Variants in SOX6 observed in about 807,000 individuals in gnomAD.
SOX6 encodes the protein SRY-box transcription factor 6, also known as transcription factor SOX-6.
In SOX6, 11 loss-of-function variants were observed where a neutral mutation model predicts 97.8. The ratio of observed to expected loss-of-function variants is 0.11; its 90% CI spans 0.07 to 0.19. The LOEUF (loss-of-function observed/expected upper bound fraction) is 0.19. Among genes scored for constraint, SOX6 ranks in the 10% least tolerant of loss-of-function variants. The probability of loss-of-function intolerance (pLI) is 1.00; values close to 1 mark genes in which losing one functional copy is unlikely to be tolerated. For missense variants in SOX6, 810 were observed against 1,039.5 expected, an observed-to-expected ratio of 0.78 and a Z score of 3.04; for synonymous variants, 360 against 371.4, an observed-to-expected ratio of 0.97 and a Z score of 0.35.
At chr11:16,132,323 GA>G (rs1849777267) in intron 6 of SOX6, among the ~76,000 whole-genome samples, 6 of 82,910 alleles carry the variant, frequency 7.2e-5, no homozygotes, top group East Asian at 3.2e-4. Flanking sequence ...AGGAAGGAAG[GA>G]AGGAAGGAAA....
In SOX6 at chr11:16,139,990, C is replaced by G. The variant is rs369119301; in HGVS notation, c.778-28067G>C. ...ATATATATACATATAATATGACATA[C>G]GGGAGATAGGAAAAATAAGTATATG... On this transcript the variant is annotated intron_variant, in intron 6 of 15. Transcript: ENST00000683767. 1.5e-3 allele frequency among the ~76,000 whole-genome samples: 218 copies of G among 146,636 alleles called. 1 individual carries two copies. The highest frequency in any genetic ancestry group is 5.1e-3 in the African/African-American group (202 of 39,678).
rs1853223444 is a variant in SOX6, at chr11:15,969,028, T to C, written c.*3781A>G. On this transcript the variant is annotated 3_prime_UTR_variant, in exon 16 of 16. Transcript: ENST00000683767. ...TTTTCTCTCTCCCTTCCTACTTTTT[T>C]CCTTTCTTCCTTCTTTTCTCCTTTT... is the stretch of plus-strand genomic sequence containing the variant. The C allele has an allele frequency of 6.6e-6, 1 of 151,950 alleles. No individual in the cohort carries two copies. Among genetic ancestry groups the C allele is most frequent in the South Asian group, 2.1e-4 (1 of 4,818 alleles). 9.4% of individuals were successfully genotyped at this position (151,950 alleles called of 1,614,324 possible).
At chr11:16,435,107 T>C (rs1431933173) in intron 1 of SOX6, among the ~76,000 whole-genome samples, 1 of 152,096 alleles carries the variant, frequency 6.6e-6, no homozygotes, top group East Asian at 1.9e-4. Context: ...TTCTTCCGAG[T>C]CTGATTGCAA....
intron 1 of SOX6, among the ~76,000 whole-genome samples, chr11:16,346,533 C>G (rs1404944963): frequency 6.6e-6 from 1 of 151,984 alleles, no homozygotes; most frequent in African/African-American, 2.4e-5. Context: ...TTACTTTATA[C>G]AACACCACCA....
intron 3 of SOX6, among the ~76,000 whole-genome samples, chr11:16,638,993 C>T (rs1414473010): frequency 2.0e-5 from 3 of 152,124 alleles, no homozygotes; most frequent in African/African-American, 7.2e-5. Context: ...AAGTCCTTGC[C>T]CATGCCTACA....
At chr11:16,045,030 T>C (rs1477707727) in intron 12 of SOX6, among the ~76,000 whole-genome samples, 2 of 152,082 alleles carry the variant, frequency 1.3e-5, no homozygotes, top group Non-Finnish European at 2.9e-5. Context: ...CTCATCCCTC[T>C]CCCGTGTGTT....
intron 4 of SOX6, among the ~76,000 whole-genome samples, chr11:16,217,381 G>T (rs77511977): frequency 0.012 from 1,849 of 152,164 alleles, 35 homozygotes; most frequent in African/African-American, 0.042. Context: ...TCTTTATAAA[G>T]AGTTATATAA....
chr11:16,053,722 T>C (rs1847743284), intron 10 of SOX6, among the ~76,000 whole-genome samples: 1 of 152,148 alleles, frequency 6.6e-6, no homozygotes, highest in Non-Finnish European at 1.5e-5. Flanking sequence ...TCAGATCATC[T>C]ATATTTATTT....
chr11:15,989,781 C>G (rs1853988302), intron 13 of SOX6, among the ~76,000 whole-genome samples: 4 of 152,080 alleles, frequency 2.6e-5, no homozygotes, highest in Admixed American at 2.6e-4. Context: ...TTACTATAAC[C>G]TAGGTTTTAT....
At chr11:16,262,437 C>A (rs973423927) in intron 3 of SOX6, among the ~76,000 whole-genome samples, 3 of 152,042 alleles carry the variant, frequency 2.0e-5, no homozygotes, top group Admixed American at 2.0e-4. Flanking sequence ...TGTAACATTG[C>A]TGAACAAACG....
chr11:15,988,107 T>C (rs1853926037), intron 14 of SOX6, among the ~76,000 whole-genome samples: 1 of 152,244 alleles, frequency 6.6e-6, no homozygotes, highest in African/African-American at 2.4e-5. Context: ...AAGTCTCTAA[T>C]GTTTTTCAGC....
At chr11:16,189,717 G>T (rs1851579379) in intron 4 of SOX6, among the ~76,000 whole-genome samples, 1 of 152,080 alleles carries the variant, frequency 6.6e-6, no homozygotes, top group African/African-American at 2.4e-5. Flanking sequence ...AGATAAATGG[G>T]ATGTATACGT....
chr11:16,306,860 G>A (rs1280956474), intron 3 of SOX6, among the ~76,000 whole-genome samples: 2 of 151,918 alleles, frequency 1.3e-5, no homozygotes, highest in African/African-American at 4.8e-5. Flanking sequence ...TCCTGACCGC[G>A]TGATCCACCC....
chr11:16,266,567 G>A (rs891260427), intron 3 of SOX6, among the ~76,000 whole-genome samples: 8 of 151,406 alleles, frequency 5.3e-5, no homozygotes, highest in African/African-American at 1.9e-4. Flanking sequence ...ATAATTTGCT[G>A]TTTAGAGCAA....
chr11:16,361,564 C>T (rs181249593), intron 1 of SOX6, among the ~76,000 whole-genome samples: 1 of 152,240 alleles, frequency 6.6e-6, no homozygotes, highest in East Asian at 1.9e-4. Flanking sequence ...AGCATCCATG[C>T]CAACTTCCAC....
At chr11:16,053,274 T>G (rs1189661809) in intron 10 of SOX6, among the ~76,000 whole-genome samples, 4 of 152,174 alleles carry the variant, frequency 2.6e-5, no homozygotes, top group South Asian at 2.1e-4. Context: ...AAAACCATTG[T>G]TTTATACAAT....
intron 6 of SOX6, among the ~76,000 whole-genome samples, chr11:16,141,541 G>A (rs1303125798): frequency 6.6e-6 from 1 of 152,064 alleles, no homozygotes; most frequent in Non-Finnish European, 1.5e-5. Context: ...GCAGCTCACC[G>A]AGCGTGAGCC....
At chr11:16,231,334 A>C (rs1383645860) in intron 4 of SOX6, among the ~76,000 whole-genome samples, 1 of 151,776 alleles carries the variant, frequency 6.6e-6, no homozygotes, top group Non-Finnish European at 1.5e-5. Context: ...ACCAACATAC[A>C]TATGCAGTTC....
At position 16,557,182 on chromosome 11, in the gene SOX6, C is replaced by G. The variant is rs186449426; in HGVS notation, n.609+54899G>C. Reference sequence around the variant, plus strand: ...AAAATGTTATCAAACATGTCAAAAGCCTCTTGAGTATAATTAAAGTTTATG... The same window carrying G: ...AAAATGTTATCAAACATGTCAAAAGGCTCTTGAGTATAATTAAAGTTTATG... On this transcript the variant is annotated intron_variant and non_coding_transcript_variant, in intron 4 of 5. Transcript: ENST00000524520. Among the ~76,000 whole-genome samples the G allele has an allele frequency of 8.0e-3, 1,214 of 151,900 alleles. 14 individuals are homozygous for G. The highest frequency in any genetic ancestry group is 0.028 in the African/African-American group (1,159 of 41,534).
Sources: allele counts gnomAD v4.1 joint callset (sites outside exome capture counted in the v4.1 genomes callset), GRCh38; gene constraint gnomAD v4.1.1; transcripts MANE v1.5; gene names NCBI Gene and HGNC (gene_info 2026-07-23, HGNC 2026-07-21).